COL6A6: variants seen among roughly 807,000 people sequenced by gnomAD.
COL6A6 encodes the protein collagen type VI alpha 6 chain, also known as collagen alpha-6(VI) chain.
In COL6A6, 183 loss-of-function variants were observed where a neutral mutation model predicts 208.6. That is an observed-to-expected ratio of 0.88 (90% confidence interval 0.78 to 0.99). The LOEUF is 0.99. Among genes scored for constraint, COL6A6 ranks in the 50% least tolerant of loss-of-function variants. COL6A6 has a pLI of 0.00. For synonymous variants in COL6A6, 973 were observed against 1,011.8 expected, an observed-to-expected ratio of 0.96 and a Z score of 0.73; for missense variants, 2,816 against 2,815.2, an observed-to-expected ratio of 1.00 and a Z score of -0.01.
chr3:130,577,985 A>G (rs895194371), intron 8 of COL6A6, among the ~76,000 whole-genome samples: 16 of 152,194 alleles, frequency 1.1e-4, no homozygotes, highest in African/African-American at 3.6e-4. Flanking sequence ...AATTTAATAA[A>G]TATACGTGGT....
chr3:130,619,173 C>T (rs548162027), intron 23 of COL6A6, among the ~76,000 whole-genome samples: 1 of 152,256 alleles, frequency 6.6e-6, no homozygotes, highest in African/African-American at 2.4e-5. Context: ...ACAGTCTAGT[C>T]TCTAAGGAAT....
At chr3:130,585,522 A>G (rs574609625) in intron 10 of COL6A6, among the ~76,000 whole-genome samples, 1 of 152,292 alleles carries the variant, frequency 6.6e-6, no homozygotes, top group South Asian at 2.1e-4. Context: ...TACTTCCTCC[A>G]CCATAATGAC....
At chr3:130,670,753 C>T (rs1411916581) in intron 36 of COL6A6, among the ~76,000 whole-genome samples, 1 of 152,228 alleles carries the variant, frequency 6.6e-6, no homozygotes, top group Non-Finnish European at 1.5e-5. Flanking sequence ...GAGGCTGCAA[C>T]ACTCTAGAGC....
intron 1 of COL6A6, among the ~76,000 whole-genome samples, chr3:130,557,373 G>A (rs2062790107): frequency 6.6e-6 from 1 of 152,164 alleles, no homozygotes; most frequent in African/African-American, 2.4e-5. Flanking sequence ...ATTTGTCTGT[G>A]CCTATTGCGT....
chr3:130,577,059 C>T (rs149229053), intron 8 of COL6A6, among the ~76,000 whole-genome samples: 145 of 152,248 alleles, frequency 9.5e-4, no homozygotes, highest in Non-Finnish European at 1.0e-3. Context: ...GGAGGTCAGA[C>T]GCATGGAGGT....
chr3:130,649,771 G>A (rs2065581132), intron 33 of COL6A6, among the ~76,000 whole-genome samples: 1 of 152,138 alleles, frequency 6.6e-6, no homozygotes, highest in South Asian at 2.1e-4. Context: ...TTATTTACCT[G>A]TTTAATTTTC....
intron 7 of COL6A6, among the ~76,000 whole-genome samples, chr3:130,572,376 T>C (rs559188832): frequency 6.6e-6 from 1 of 152,348 alleles, no homozygotes; most frequent in South Asian, 2.1e-4. Flanking sequence ...TCCTGAGTAA[T>C]TTTCCCAAGA....
chr3:130,604,300 T>C (rs2064113311), intron 20 of COL6A6, among the ~76,000 whole-genome samples: 1 of 151,994 alleles, frequency 6.6e-6, no homozygotes, highest in African/African-American at 2.4e-5. Context: ...GAGACCATCC[T>C]GGCTAACACA....
intron 13 of COL6A6, 64 bp from the exon 14 acceptor site, chr3:130,592,477 A>G: frequency 3.7e-6 from 5 of 1,339,742 alleles, no homozygotes; most frequent in Non-Finnish European, 5.2e-6. Flanking sequence ...AAACTTGTCA[A>G]GTTTTCAAGA....
intron 1 of COL6A6, among the ~76,000 whole-genome samples, chr3:130,558,456 A>G (rs2062813676): frequency 6.6e-6 from 1 of 152,236 alleles, no homozygotes; most frequent in East Asian, 1.9e-4. Context: ...TTGTTCCACA[A>G]GATGCTAATC....
At chr3:130,562,997 A>T in intron 2 of COL6A6, 71 bp from the exon 3 acceptor site, 1 of 1,091,514 alleles carries the variant, frequency 9.2e-7, no homozygotes, top group East Asian at 2.4e-5. Context: ...TCCCCGCCAT[A>T]GAGTTGGCAT....
In COL6A6 at chr3:130,524,694, T is replaced by G. The variant is rs144357642; in HGVS notation, c.-32+7297T>G. 5.7e-4 allele frequency among the ~76,000 whole-genome samples: 87 copies of G among 152,354 alleles called. No homozygotes were observed. The East Asian group carries it at 0.015, about 27-fold the overall frequency. The stretch of plus-strand genomic sequence containing the variant: ...GCTCTTATCAAGTCTTTAAATTTCT[T>G]CATGGAGAAAACAGCAATTAGGCAA... On this transcript the variant is annotated intron_variant, in intron 1 of 36. Coordinates refer to ENST00000358511, the MANE Select transcript of COL6A6 (RefSeq NM_001102608.3).
At chr3:130,634,759 A>T (rs1432548580) in intron 27 of COL6A6, 134 bp downstream of exon 27, 1 of 622,562 alleles carries the variant, frequency 1.6e-6, no homozygotes, top group East Asian at 3.1e-5. Context: ...GAGGGAAGAA[A>T]GAAATAGACC....
chr3:130,569,388 T>C (rs1201147105), intron 6 of COL6A6, among the ~76,000 whole-genome samples: 1 of 152,122 alleles, frequency 6.6e-6, no homozygotes, highest in Non-Finnish European at 1.5e-5. Flanking sequence ...TGATCAAAAG[T>C]ACTGGGAATG....
intron 1 of COL6A6, among the ~76,000 whole-genome samples, chr3:130,533,954 CT>C (rs1419399609): frequency 1.3e-5 from 2 of 152,270 alleles, no homozygotes; most frequent in Admixed American, 1.3e-4. Flanking sequence ...CCAGTTTAAT[CT>C]TTTTTAACCT....
chr3:130,542,626 A>C (rs2107757548), intron 1 of COL6A6, among the ~76,000 whole-genome samples: 1 of 152,256 alleles, frequency 6.6e-6, no homozygotes, highest in South Asian at 2.1e-4. Flanking sequence ...GGGGTATTGA[A>C]GTCTTCAACT....
rs1253875603 is a variant in COL6A6, at chr3:130,574,509, C to T, written c.3531C>T (p.Thr1177=). 8 of 1,613,542 alleles carry T rather than the reference C, an allele frequency of 5.0e-6. No homozygotes were observed. The South Asian group carries it at 6.6e-5, about 13-fold the overall frequency. Residue 1177 remains threonine, a synonymous_variant, in exon 8 of 37, where the codon ACC becomes ACT. Coordinates refer to ENST00000358511, the MANE Select transcript of COL6A6 (RefSeq NM_001102608.3). ...AAAGGATCGTTCGCAACATCTGTAC[C>T]ACAGCGGGTGAAAGCAGTAAGTATT... ...VNKRIVRNIC[T]TAGESNCFVD...
In COL6A6 at chr3:130,573,958, T is replaced by A. The variant is rs568563507; in HGVS notation, c.2980T>A (p.Cys994Ser). 1.1e-5 allele frequency: 18 copies of A among 1,594,800 alleles called. No homozygotes were observed. The Middle Eastern group carries it at 8.3e-4, about 74-fold the overall frequency. The change falls in exon 8 of 37, where the codon TGT (cysteine) becomes AGT (serine). Residue 994 changes from cysteine to serine, a missense_variant and splice_region_variant. Transcript: ENST00000358511. ...ASVCNSSKVD[C>S]EIDKVDLVFL... ...GTTGTTCCTTCTCTTCTTTGTAGAT[T>A]GTGAAATTGACAAAGTAGATCTTGT...
chr3:130,599,839 A>C, intron 20 of COL6A6, 29 bp downstream of exon 20: 1 of 1,610,608 alleles, frequency 6.2e-7, no homozygotes, highest in South Asian at 1.1e-5. Flanking sequence ...AAGGAGACCC[A>C]CTGTTTTGGT....
Sources: allele counts gnomAD v4.1 joint callset (sites outside exome capture counted in the v4.1 genomes callset), GRCh38; gene constraint gnomAD v4.1.1; transcripts MANE v1.5; gene names NCBI Gene and HGNC (gene_info 2026-07-23, HGNC 2026-07-21).